The following CIDEB variants were observed in gnomAD, a reference collection of about 807,000 sequenced individuals.
The protein encoded by CIDEB is lipid transferase CIDEB.
CIDEB carries 27 observed loss-of-function variants against 22.4 expected under a neutral mutation model. The ratio of observed to expected loss-of-function variants is 1.21; its 90% CI spans 0.89 to 1.66. The LOEUF is 1.66. CIDEB is among the 40% of genes most tolerant of loss of function. The pLI is 0.00. For synonymous variants in CIDEB, 103 were observed against 109.5 expected (o/e 0.94, Z 0.37); for missense variants, 289 against 268.7 (o/e 1.08, Z -0.53).
chr14:24,305,523 T>C lies in CIDEB; in HGVS notation c.*110A>G, dbSNP rs552480300. The C allele has an allele frequency of 2.2e-6, 3 of 1,354,674 alleles. No homozygotes were observed. The highest frequency in any genetic ancestry group is 4.6e-5 in the East Asian group (2 of 43,058). The allele number at this position is 1,354,674 out of a possible 1,614,324, so 83.9% of individuals were successfully genotyped here. The stretch of plus-strand genomic sequence containing the variant: ...AGGGGATCAGAGGACAGTGGGGAAA[T>C]TGGGTGGGTTATCTAGCCTGTACTG... On this transcript the variant is annotated 3_prime_UTR_variant, in exon 5 of 5. Coordinates refer to ENST00000554411, the MANE Select transcript of CIDEB (RefSeq NM_001393339.1).
rs377446306 is a variant in CIDEB, at chr14:24,306,423, T to C, written c.287A>G (p.Asp96Gly). 6.2e-7 allele frequency: 1 copy of C among 1,614,226 alleles called. No homozygotes were observed. The highest frequency in any genetic ancestry group is 8.5e-7 in the Non-Finnish European group (1 of 1,180,030). ...SEDFFQLLED[D>G]TCLMVLQSGQ... ...AGACTGCAACACCATCAGGCACGTG[T>C]CATCCTCCAGCAGCTGGAAGAAGTC... is the stretch of plus-strand genomic sequence containing the variant. The change falls in exon 3 of 5, where the codon GAC (aspartate) becomes GGC (glycine). Residue 96 changes from aspartate to glycine, a missense_variant. Physicochemically the swap from Asp to Gly is moderately conservative, Grantham distance 94. Transcript: ENST00000554411.
Position 24,306,482 on chromosome 14 carries a change from C to T in CIDEB, c.228G>A (p.Val76=). The change falls in exon 3 of 5, where the codon GTG becomes GTA. Residue 76 remains valine (V), a synonymous_variant. Coordinates refer to ENST00000554411, the MANE Select transcript of CIDEB (RefSeq NM_001393339.1). ...CCACTGCAGTTCCATCCTCCTCTAG[C>T]ACCAGGGTTAGCACTCCATTCAGCA... ...TLLLNGVLTL[V]LEEDGTAVDS... 6.2e-7 allele frequency: 1 copy of T among 1,614,240 alleles called. No individual in the cohort carries two copies. Among genetic ancestry groups the T allele is most frequent in the Non-Finnish European group, 8.5e-7 (1 of 1,180,042 alleles).
At chr14:24,307,686 T>C (rs2139153049) in intron 1 of CIDEB, 132 bp downstream of exon 1, 1 of 1,268,716 alleles carries the variant, frequency 7.9e-7, no homozygotes, top group Non-Finnish European at 1.1e-6. Context: ...CTCAGGAGCT[T>C]GACAAGCCCA....
At chr14:24,310,194 C>T (rs75201478), upstream of CIDEB, 1,594 of 377,706 alleles carry the variant, frequency 4.2e-3, 33 homozygotes, top group African/African-American at 0.031. Flanking sequence ...GTAGGCACCT[C>T]GCCTACTGCT....
chr14:24,307,609 G>T, intron 1 of CIDEB, 94 bp from the exon 2 acceptor site: 2 of 1,449,076 alleles, frequency 1.4e-6, no homozygotes, highest in Non-Finnish European at 9.5e-7. Context: ...GGGCTAGGGA[G>T]GGAGAGATCT....
chr14:24,307,615 G>T (rs2041558027), intron 1 of CIDEB, 100 bp from the exon 2 acceptor site: 1 of 1,349,366 alleles, frequency 7.4e-7, no homozygotes, highest in Non-Finnish European at 1.0e-6. Context: ...GGGAGGGAGA[G>T]ATCTAGGTTT....
chr14:24,305,644 G>A lies in CIDEB; in HGVS notation c.649C>T (p.His217Tyr). The stretch of plus-strand genomic sequence containing the variant: ...AAGCTCAGAGCCCCTTAGTAGGAAT[G>A]GAGGCGGCCCTTCTGCTGCCACTGC... ...AEQWQQKGRL[H>Y]SY is the part of the protein sequence containing the mutation. The change falls in exon 5 of 5, where the codon CAT becomes TAT. Residue 217 changes from histidine to tyrosine, a missense_variant. Coordinates refer to ENST00000554411, the MANE Select transcript of CIDEB (RefSeq NM_001393339.1). The A allele has an allele frequency of 6.2e-7, 1 of 1,613,286 alleles. No homozygotes were observed. The highest frequency in any genetic ancestry group is 2.2e-5 in the East Asian group (1 of 44,874).
chr14:24,311,056 G>A (rs1349596294), upstream of CIDEB: 2 of 1,570,512 alleles, frequency 1.3e-6, no homozygotes, highest in African/African-American at 2.8e-5. Flanking sequence ...CTGGCGCCTC[G>A]GCTGCGCAGC....
At chr14:24,308,033 A>C (rs1230042801), upstream of CIDEB, 1 of 640,338 alleles carries the variant, frequency 1.6e-6, no homozygotes, top group Non-Finnish European at 2.8e-6. Context: ...GCAAAGTCCA[A>C]GGGGAGGGAT....
At chr14:24,310,889 G>A (rs754141273), upstream of CIDEB, 5 of 1,592,854 alleles carry the variant, frequency 3.1e-6, no homozygotes, top group South Asian at 4.4e-5. Flanking sequence ...TGCTGCTCAC[G>A]CCGCTCTTTG....
Position 24,307,361 on chromosome 14 carries a change from G to A in CIDEB, c.186+10C>T. 1 of 1,610,864 alleles carries A rather than the reference G, an allele frequency of 6.2e-7. No homozygotes were observed. The highest frequency in any genetic ancestry group is 8.5e-7 in the Non-Finnish European group (1 of 1,178,238). On this transcript the variant is annotated intron_variant, in intron 2 of 4. Transcript: ENST00000554411. Reference sequence around the variant, plus strand: ...CCTGCTATAGGAACCGAGGAACTTGGCCTACTTACTTTGGCTAGCAGCTCC... The same window carrying A: ...CCTGCTATAGGAACCGAGGAACTTGACCTACTTACTTTGGCTAGCAGCTCC...
chr14:24,307,171 C>A, intron 2 of CIDEB, 200 bp downstream of exon 2: 1 of 535,288 alleles, frequency 1.9e-6, no homozygotes. Flanking sequence ...CCTGCTAACC[C>A]CTGCTCCCAT....
At chr14:24,311,028 G>C, upstream of CIDEB, 1 of 1,581,460 alleles carries the variant, frequency 6.3e-7, no homozygotes, top group South Asian at 1.1e-5. Flanking sequence ...GCGCTGCCTC[G>C]CAGTCACCCG....
Position 24,305,384 on chromosome 14 carries a change from C to A in CIDEB, c.*249G>T. On this transcript the variant is annotated 3_prime_UTR_variant, in exon 5 of 5. Coordinates refer to ENST00000554411, the MANE Select transcript of CIDEB (RefSeq NM_001393339.1). ...CAAGATGCCTGGGGGACATCTTGAT[C>A]TTGGCCTTTCAGGGCAAGTGGGAGG... 1 of 576,528 alleles carries A rather than the reference C, an allele frequency of 1.7e-6. No homozygotes were observed. Among genetic ancestry groups the A allele is most frequent in the Non-Finnish European group, 2.9e-6 (1 of 342,600 alleles). 35.7% of individuals were successfully genotyped at this position (576,528 alleles called of 1,614,324 possible). A position where few individuals can be genotyped will look rare whatever the true frequency, so the allele number is the denominator to read the frequency against.
upstream of CIDEB, chr14:24,311,108 C>T (rs370582090): frequency 2.5e-5 from 39 of 1,570,626 alleles, no homozygotes; most frequent in African/African-American, 3.9e-4. Context: ...TCTGGCTGGC[C>T]GCCCTGTTGC....
Position 24,305,226 on chromosome 14 carries a change from TGTTA to T in CIDEB, c.*403_*406del. ...TTGATATTTTTATTGGAAATGTTTT[TGTTA>T]GTTTGAGGGGAAGGGTATGAAGACA... On this transcript the variant is annotated 3_prime_UTR_variant, in exon 5 of 5. Transcript: ENST00000554411. 2 of 1,069,548 alleles carry T rather than the reference TGTTA, an allele frequency of 1.9e-6. No homozygotes were observed. The highest frequency in any genetic ancestry group is 2.5e-6 in the Non-Finnish European group (2 of 794,764). The allele number at this position is 1,069,548 out of a possible 1,614,324, so 66.3% of individuals were successfully genotyped here.
intron 2 of CIDEB, 134 bp from the exon 3 acceptor site, chr14:24,306,657 C>T (rs1045783977): frequency 8.3e-6 from 9 of 1,079,036 alleles, no homozygotes; most frequent in African/African-American, 7.8e-5. Context: ...TTGATACCTC[C>T]TAAAGGTTGC....
chr14:24,310,762 T>C (rs894074648), upstream of CIDEB: 6 of 1,609,244 alleles, frequency 3.7e-6, no homozygotes, highest in African/African-American at 4.0e-5. Flanking sequence ...GCGGCGCTGC[T>C]GGGGCTGCCT....
chr14:24,306,006 G>C lies in CIDEB; in HGVS notation c.468C>G (p.Phe156Leu). The C allele has an allele frequency of 6.2e-7, 1 of 1,614,198 alleles. No individual in the cohort carries two copies. The highest frequency in any genetic ancestry group is 1.1e-5 in the South Asian group (1 of 91,078). Residue 156 changes from phenylalanine (F) to leucine (L), a missense_variant, in exon 4 of 5, where the codon TTC (phenylalanine) becomes TTG (leucine). Phe to Leu is a conservative substitution (Grantham distance 22). Coordinates refer to ENST00000554411, the MANE Select transcript of CIDEB (RefSeq NM_001393339.1). ...CACAACTCATAGAGTAGAGCCCGTA[G>C]AATGTGGCTTTGACATTCAGGCTGC... ...LFGSLNVKATFYGLYSMSCDF... is the reference protein window; with the variant it reads ...LFGSLNVKATLYGLYSMSCDF...
Sources: allele counts gnomAD v4.1 joint callset, GRCh38; gene constraint gnomAD v4.1.1; transcripts MANE v1.5; gene names NCBI Gene and HGNC (gene_info 2026-07-23, HGNC 2026-07-21).